CSMD1: variants seen among roughly 807,000 people sequenced by gnomAD.
CSMD1 encodes the protein CUB and Sushi multiple domains 1, also known as CUB and sushi domain-containing protein 1.
Under a neutral mutation model 417.5 loss-of-function variants are expected in CSMD1, and 213 were observed. The ratio of observed to expected loss-of-function variants is 0.51; its 90% confidence interval spans 0.46 to 0.57. The LOEUF (loss-of-function observed/expected upper bound fraction) is 0.57. CSMD1 is among the 20% of genes least tolerant of loss of function. The pLI is 0.00. For synonymous variants in CSMD1, 2,862 were observed against 1,736.8 expected, an observed-to-expected ratio of 1.65 and a Z score of -16.11; for missense variants, 6,923 against 4,529.7, an observed-to-expected ratio of 1.53 and a Z score of -15.17.
At chr8:3,284,065 G>A (rs1802950146) in intron 26 of CSMD1, 79 bp downstream of exon 26, 1 of 1,162,430 alleles carries the variant, frequency 8.6e-7, no homozygotes, top group East Asian at 2.6e-5. Context: ...AGACGCTGGT[G>A]AATATAAATG....
intron 23 of CSMD1, among the ~76,000 whole-genome samples, chr8:3,324,682 C>T (rs555613708): frequency 6.6e-6 from 1 of 151,302 alleles, no homozygotes; most frequent in South Asian, 2.1e-4. Flanking sequence ...TCCTTCACCC[C>T]ACTTTTCGTC....
At position 3,231,587 on chromosome 8, in the gene CSMD1, A is replaced by T. The variant is rs563698450; in HGVS notation, c.4154-1356T>A. The stretch of plus-strand genomic sequence containing the variant: ...AAATAAAAAGTTAGAAGATATATAA[A>T]AAAGAATAAGACCTGCTCTGTGTTA... On this transcript the variant is annotated intron_variant, in intron 26 of 69. Coordinates refer to ENST00000635120, the MANE Select transcript of CSMD1 (RefSeq NM_033225.6). Among the ~76,000 whole-genome samples, 5 of 152,300 alleles carry T rather than the reference A, an allele frequency of 3.3e-5. No homozygotes were observed. The East Asian group carries it at 7.7e-4, about 24-fold the overall frequency.
intron 3 of CSMD1, among the ~76,000 whole-genome samples, chr8:4,372,577 G>C (rs1563105187): frequency 6.6e-6 from 1 of 151,516 alleles, no homozygotes; most frequent in South Asian, 2.1e-4. Flanking sequence ...TTCTAGGTTT[G>C]AGGTACACTT....
chr8:4,620,880 AAG>A (rs1490971486), intron 2 of CSMD1, among the ~76,000 whole-genome samples: 2 of 151,936 alleles, frequency 1.3e-5, no homozygotes, highest in African/African-American at 4.8e-5. Flanking sequence ...GAGTGAAAAT[AAG>A]AGAAAAATTG....
At chr8:3,752,026 A>C (rs1232950602) in intron 6 of CSMD1, among the ~76,000 whole-genome samples, 1 of 152,160 alleles carries the variant, frequency 6.6e-6, no homozygotes, top group African/African-American at 2.4e-5. Flanking sequence ...GAAAGTGCAG[A>C]CAGAATTTCT....
rs374753194 is a variant in CSMD1 at position 3,468,841 on chromosome 8, T to G, written c.1449-17A>C. 4.0e-5 allele frequency: 62 copies of G among 1,543,236 alleles called. No homozygotes were observed. Among genetic ancestry groups the G allele is most frequent in the Non-Finnish European group, 4.6e-5 (52 of 1,135,864 alleles). On this transcript the variant is annotated splice_polypyrimidine_tract_variant and intron_variant, in intron 11 of 69. Transcript: ENST00000635120. ...CCCGTGAGCCTGCAAGAAAGAGAAA[T>G]GTCAAAGCTTTTAGGTAAGGCAACA...
intron 5 of CSMD1, among the ~76,000 whole-genome samples, chr8:3,925,254 T>G (rs377352003): frequency 6.6e-6 from 1 of 152,234 alleles, no homozygotes; most frequent in African/African-American, 2.4e-5. Flanking sequence ...AGTAATGCAT[T>G]TGGGGAATGT....
intron 3 of CSMD1, among the ~76,000 whole-genome samples, chr8:4,170,079 G>A (rs1049337420): frequency 6.6e-6 from 1 of 151,778 alleles, no homozygotes; most frequent in Non-Finnish European, 1.5e-5. Context: ...TTGTGGGTGA[G>A]TCAAAGATTA....
chr8:4,197,832 T>G (rs1211536115), intron 3 of CSMD1, among the ~76,000 whole-genome samples: 2 of 152,158 alleles, frequency 1.3e-5, no homozygotes, highest in African/African-American at 4.8e-5. Context: ...TGAGCCAAGA[T>G]AATGCTACCA....
chr8:3,531,323 A>C (rs886980986), intron 10 of CSMD1, among the ~76,000 whole-genome samples: 23 of 152,192 alleles, frequency 1.5e-4, no homozygotes, highest in African/African-American at 5.3e-4. Context: ...CAAAACCTTT[A>C]ACTAAAATCT....
chr8:4,547,230 G>A (rs1247647618), intron 2 of CSMD1, among the ~76,000 whole-genome samples: 2 of 152,166 alleles, frequency 1.3e-5, no homozygotes, highest in African/African-American at 4.8e-5. Context: ...TTCTGCCTCT[G>A]TGGTTTCCTT....
intron 3 of CSMD1, among the ~76,000 whole-genome samples, chr8:4,188,932 C>T (rs1419124670): frequency 6.6e-6 from 1 of 152,096 alleles, no homozygotes; most frequent in Non-Finnish European, 1.5e-5. Context: ...TTTCTCCCTC[C>T]ATGGTTTACT....
chr8:3,810,054 T>C (rs1800974600), intron 5 of CSMD1, among the ~76,000 whole-genome samples: 1 of 152,194 alleles, frequency 6.6e-6, no homozygotes, highest in Admixed American at 6.5e-5. Context: ...CTGTCACACC[T>C]ACATATTTTT....
intron 10 of CSMD1, among the ~76,000 whole-genome samples, chr8:3,545,460 A>C (rs1340201584): frequency 6.6e-6 from 1 of 152,174 alleles, no homozygotes; most frequent in East Asian, 1.9e-4. Flanking sequence ...CAGAAGGTAA[A>C]TTTTCCAGGC....
At chr8:4,394,167 C>G (rs569884177) in intron 3 of CSMD1, among the ~76,000 whole-genome samples, 5 of 152,244 alleles carry the variant, frequency 3.3e-5, no homozygotes, top group African/African-American at 1.2e-4. Context: ...GAACTATCAT[C>G]CAACATACAT....
At chr8:4,599,811 T>C (rs1394321673) in intron 2 of CSMD1, among the ~76,000 whole-genome samples, 2 of 152,194 alleles carry the variant, frequency 1.3e-5, no homozygotes, top group East Asian at 3.8e-4. Flanking sequence ...TTTCCTAGTG[T>C]TTATCACAAT....
At chr8:3,173,522 T>C (rs954818213) in intron 37 of CSMD1, among the ~76,000 whole-genome samples, 10 of 152,140 alleles carry the variant, frequency 6.6e-5, no homozygotes, top group African/African-American at 2.2e-4. Context: ...TTTTTTGAAA[T>C]GAATATGTGG....
At chr8:3,454,760 C>G (rs947543466) in intron 12 of CSMD1, among the ~76,000 whole-genome samples, 3 of 152,164 alleles carry the variant, frequency 2.0e-5, no homozygotes, top group African/African-American at 4.8e-5. Context: ...TTCTTCATCT[C>G]TACTTTGCTG....
In CSMD1 at chr8:4,059,997, G is replaced by A. The variant is rs1010003294; in HGVS notation, c.416-27898C>T. The stretch of plus-strand genomic sequence containing the variant: ...CGGGCAGAGACACAGCCAAAAAAGA[G>A]AATTTTAGACCAATATCCTTGATGA... On this transcript the variant is annotated intron_variant, in intron 3 of 69. Transcript: ENST00000635120. 4.6e-5 allele frequency among the ~76,000 whole-genome samples: 7 copies of A among 152,232 alleles called. No homozygotes were observed. The East Asian group carries it at 1.2e-3, about 25-fold the overall frequency.
Sources: gnomAD v4.1 joint callset for allele counts (sites outside exome capture counted in the v4.1 genomes callset) on GRCh38, gnomAD v4.1.1 for gene constraint, MANE v1.5 for transcripts, NCBI Gene and HGNC (gene_info 2026-07-23, HGNC 2026-07-21) for gene names.